Variants in AKT3 observed in about 807,000 individuals in gnomAD.
AKT3 encodes the protein RAC-gamma serine/threonine-protein kinase.
AKT3 carries 15 observed loss-of-function variants against 65.3 expected under a neutral mutation model. The observed-to-expected ratio is 0.23, with a 90% CI of 0.15 to 0.35. The LOEUF is 0.35. AKT3 is among the 10% of genes least tolerant of loss of function. The pLI is 1.00. For missense variants in AKT3, 243 were observed against 576.5 expected (o/e 0.42, Z 5.92); for synonymous variants, 206 against 183.8 (o/e 1.12, Z -0.98).
intron 2 of AKT3, among the ~76,000 whole-genome samples, chr1:243,718,035 AAAG>A (rs1230259105): frequency 6.6e-6 from 1 of 152,228 alleles, no homozygotes; most frequent in Non-Finnish European, 1.5e-5. Flanking sequence ...GAGTAAGGTC[AAAG>A]AAGAGAGCTA....
chr1:243,660,717 T>C (rs1227263142), intron 4 of AKT3, among the ~76,000 whole-genome samples: 1 of 152,086 alleles, frequency 6.6e-6, no homozygotes, highest in Non-Finnish European at 1.5e-5. Context: ...CCAGGGCAAT[T>C]AGGCAGAAGA....
intron 2 of AKT3, among the ~76,000 whole-genome samples, chr1:243,773,810 G>C (rs1418609326): frequency 6.6e-6 from 1 of 152,098 alleles, no homozygotes; most frequent in African/African-American, 2.4e-5. Context: ...GACTCAAAAA[G>C]TTCTCTTCTC....
intron 2 of AKT3, among the ~76,000 whole-genome samples, chr1:243,733,400 A>G (rs965756947): frequency 6.6e-6 from 1 of 152,232 alleles, no homozygotes; most frequent in African/African-American, 2.4e-5. Context: ...GAATAAATAA[A>G]AAGTAGTGCT....
rs1678069744 is a variant in AKT3, at chr1:243,613,709, G to A, written c.658C>T (p.Arg220Cys). Residue 220 changes from arginine to cysteine, a missense_variant, in exon 8 of 14, where the codon CGT (arginine) becomes TGT (cysteine). Physicochemically the swap from Arg to Cys is radical, Grantham distance 180. Coordinates refer to ENST00000673466, the MANE Select transcript of AKT3 (RefSeq NM_005465.7). ...SLKYSFQTKD[R>C]LCFVMEYVNG... ...ACATATTCCATCACAAAACACAAAC[G>A]GTCTTTTGTCTGGAAGGAATATTTC... 3.1e-6 allele frequency: 5 copies of A among 1,587,546 alleles called. No individual in the cohort carries two copies. The highest frequency in any genetic ancestry group is 3.4e-6 in the Non-Finnish European group (4 of 1,165,644).
chr1:243,543,326 T>C (rs1672444524), intron 12 of AKT3, among the ~76,000 whole-genome samples: 1 of 152,120 alleles, frequency 6.6e-6, no homozygotes, highest in Non-Finnish European at 1.5e-5. Flanking sequence ...AACACTGAGA[T>C]AAGGAAACGT....
intron 2 of AKT3, chr1:243,740,673 T>G (rs1452391039): frequency 6.6e-6 from 1 of 152,200 alleles, no homozygotes; most frequent in Non-Finnish European, 1.5e-5. Flanking sequence ...ACAAAAACCA[T>G]AAAGATCCCT....
chr1:243,764,894 T>C (rs541830937), intron 2 of AKT3, among the ~76,000 whole-genome samples: 1 of 152,280 alleles, frequency 6.6e-6, no homozygotes, highest in African/African-American at 2.4e-5. Flanking sequence ...CAAAGCTTTC[T>C]CCAGCTTGTA....
intron 2 of AKT3, among the ~76,000 whole-genome samples, chr1:243,779,536 TG>T (rs1191189142): frequency 6.6e-6 from 1 of 152,190 alleles, no homozygotes; most frequent in East Asian, 1.9e-4. Context: ...TTCTCACTAG[TG>T]TCAAATACAC....
At chr1:243,491,898 G>A (rs1469173727) in intron 13 of AKT3, among the ~76,000 whole-genome samples, 1 of 152,194 alleles carries the variant, frequency 6.6e-6, no homozygotes, top group African/African-American at 2.4e-5. Flanking sequence ...GATGAGTTAA[G>A]CTTAACTTAA....
At chr1:243,577,530 T>C (rs1328814418) in intron 8 of AKT3, among the ~76,000 whole-genome samples, 1 of 152,110 alleles carries the variant, frequency 6.6e-6, no homozygotes, top group Admixed American at 6.6e-5. Context: ...CCTTATACCT[T>C]ATACAAAAAT....
intron 12 of AKT3, among the ~76,000 whole-genome samples, chr1:243,532,746 G>C (rs189049642): frequency 9.2e-4 from 140 of 152,250 alleles, no homozygotes; most frequent in African/African-American, 3.1e-3. Flanking sequence ...TTTAAGTGTT[G>C]GGTAGACTTC....
intron 4 of AKT3, among the ~76,000 whole-genome samples, chr1:243,659,233 G>T (rs1174580991): frequency 6.6e-6 from 1 of 152,212 alleles, no homozygotes; most frequent in Non-Finnish European, 1.5e-5. Context: ...CACAGAAGCA[G>T]AAAGTAGAAC....
At chr1:243,693,270 A>ATATT (rs2148017316) in intron 3 of AKT3, among the ~76,000 whole-genome samples, 1 of 104,378 alleles carries the variant, frequency 9.6e-6, no homozygotes, top group African/African-American at 3.7e-5. Context: ...ATATATATAT[A>ATATT]TATATATATA....
intron 2 of AKT3, among the ~76,000 whole-genome samples, chr1:243,743,028 T>C (rs1239078213): frequency 1.3e-5 from 2 of 152,148 alleles, no homozygotes; most frequent in Non-Finnish European, 2.9e-5. Flanking sequence ...CAGGCCAAAG[T>C]GACACATACT....
chr1:243,491,521 A>C (rs759971530), intron 13 of AKT3, among the ~76,000 whole-genome samples: 2 of 152,232 alleles, frequency 1.3e-5, no homozygotes, highest in Admixed American at 6.5e-5. Context: ...GAGAGGAGGC[A>C]GGGATCCAGG....
intron 8 of AKT3, among the ~76,000 whole-genome samples, chr1:243,609,334 CTGTGTG>C (rs72249798): frequency 0.011 from 1,627 of 148,056 alleles, 17 homozygotes; most frequent in African/African-American, 0.03. Flanking sequence ...TTTTCATTTT[CTGTGTG>C]TGTGTGTGTG....
chr1:243,574,322 G>C (rs1450225659), intron 8 of AKT3, among the ~76,000 whole-genome samples: 1 of 145,596 alleles, frequency 6.9e-6, no homozygotes, highest in Non-Finnish European at 1.5e-5. Flanking sequence ...ATAGTAAACA[G>C]AGAGAGAGAG....
intron 4 of AKT3, among the ~76,000 whole-genome samples, chr1:243,651,956 C>G (rs2147868946): frequency 6.6e-6 from 1 of 152,114 alleles, no homozygotes; most frequent in Admixed American, 6.5e-5. Flanking sequence ...CAAAGGGAAG[C>G]TCATCAGACT....
At chr1:243,548,630 G>A (rs565797044) in intron 11 of AKT3, among the ~76,000 whole-genome samples, 2 of 152,238 alleles carry the variant, frequency 1.3e-5, no homozygotes, top group African/African-American at 4.8e-5. Flanking sequence ...TTTATGTCTA[G>A]AATACTAAAC....
Sources: allele counts gnomAD v4.1 joint callset (sites outside exome capture counted in the v4.1 genomes callset), GRCh38; gene constraint gnomAD v4.1.1; transcripts MANE v1.5; gene names NCBI Gene and HGNC (gene_info 2026-07-23, HGNC 2026-07-21).